Variants in MED17 observed in about 807,000 individuals in gnomAD.
MED17 encodes the protein mediator complex subunit 17.
MED17 carries 49 observed loss-of-function variants against 80.8 expected under a neutral mutation model. The observed-to-expected ratio is 0.61, with a 90% CI of 0.48 to 0.77. The LOEUF is 0.77. Among genes scored for constraint, MED17 ranks in the 30% least tolerant of loss-of-function variants. MED17 has a pLI of 0.00. For missense variants in MED17, 718 were observed against 787.0 expected (o/e 0.91, Z 1.05); for synonymous variants, 281 against 280.4 (o/e 1.00, Z -0.02).
chr11:93,784,557 G>GCTCT lies in MED17; in HGVS notation c.45_46insTCTC (p.Glu16SerfsTer7), dbSNP rs778546871. 1 of 1,612,620 alleles carries GCTCT rather than the reference G, an allele frequency of 6.2e-7. No homozygotes were observed. The highest frequency in any genetic ancestry group is 8.5e-7 in the Non-Finnish European group (1 of 1,179,834). Reference sequence around the variant, plus strand: ...GTGCGGATCAGCATCGAATCGGCCTGCGAGAAGCAGGTCCATGAGGTGGGC... The same window carrying GCTCT: ...GTGCGGATCAGCATCGAATCGGCCTGCTCTCGAGAAGCAGGTCCATGAGGTGGGC... On this transcript the variant is annotated frameshift_variant, in exon 1 of 12. Coordinates refer to ENST00000251871, the MANE Select transcript of MED17 (RefSeq NM_004268.5). LOFTEE classifies it high-confidence loss of function.
At position 93,790,494 on chromosome 11, in the gene MED17, A is replaced by ATT; in HGVS notation, c.418-77_418-76dup. On this transcript the variant is annotated intron_variant, in intron 2 of 11. Coordinates refer to ENST00000251871, the MANE Select transcript of MED17 (RefSeq NM_004268.5). ...CTCCTTTTTGCTTTTTGTTCACTTC[A>ATT]TTTTATTATTGATAAAATGTGTAAT... The ATT allele has an allele frequency of 3.0e-6, 4 of 1,315,798 alleles. No individual in the cohort carries two copies. In the Admixed American group the frequency reaches 5.7e-5, roughly 19 times the overall value. 81.5% of individuals were successfully genotyped at this position (1,315,798 alleles called of 1,614,324 possible).
chr11:93,808,701 T>A (rs1944054523), intron 10 of MED17: 2 of 152,042 alleles, frequency 1.3e-5, no homozygotes, highest in African/African-American at 4.8e-5. Flanking sequence ...TAAAATTCAT[T>A]TGTTAGGTAT....
In MED17 at chr11:93,785,018, A is replaced by G. The variant is rs1591380798; in HGVS notation, c.250+255A>G. On this transcript the variant is annotated intron_variant, in intron 1 of 11. Transcript: ENST00000251871. Reference sequence around the variant, plus strand: ...CACTGTCAAACCGTGAAATGTTTAAATGAATGCTTCTCTGTAGAGGGCCTT... The same window carrying G: ...CACTGTCAAACCGTGAAATGTTTAAGTGAATGCTTCTCTGTAGAGGGCCTT... 1.2e-5 allele frequency: 7 copies of G among 595,748 alleles called. No individual in the cohort carries two copies. In the East Asian group the frequency reaches 1.7e-4, roughly 15 times the overall value. 36.9% of individuals were successfully genotyped at this position (595,748 alleles called of 1,614,324 possible).
Position 93,812,084 on chromosome 11 carries a change from A to G in MED17, c.*20A>G, listed in dbSNP as rs1467164584. On this transcript the variant is annotated 3_prime_UTR_variant, in exon 12 of 12. Transcript: ENST00000251871. ...CTATGATTTTTTCCAGATGTTTCCTAAAGAAGTTTCCAGAAACTTTGACTT... is the reference window on the plus strand; with the variant it reads ...CTATGATTTTTTCCAGATGTTTCCTGAAGAAGTTTCCAGAAACTTTGACTT... 1.2e-6 allele frequency: 2 copies of G among 1,607,554 alleles called. No individual in the cohort carries two copies. Among genetic ancestry groups the G allele is most frequent in the Non-Finnish European group, 1.7e-6 (2 of 1,174,114 alleles).
rs558578168 is a variant in MED17, at chr11:93,796,390, C to G, written c.1013-20C>G. Reference sequence around the variant, plus strand: ...ATATTTCAGGTTATTTACATATGTCCTCCTTCTTTTTATAAATAGGCTTGC... The same window carrying G: ...ATATTTCAGGTTATTTACATATGTCGTCCTTCTTTTTATAAATAGGCTTGC... On this transcript the variant is annotated intron_variant, in intron 6 of 11. Coordinates refer to ENST00000251871, the MANE Select transcript of MED17 (RefSeq NM_004268.5). 3.7e-6 allele frequency: 6 copies of G among 1,600,552 alleles called. No individual in the cohort carries two copies. In the South Asian group the frequency reaches 6.6e-5, roughly 18 times the overall value.
At chr11:93,810,117 G>T in intron 11 of MED17, 1 of 487,190 alleles carries the variant, frequency 2.1e-6, no homozygotes. Context: ...AGTCTGAAAA[G>T]TATCATCAGC....
intron 6 of MED17, 56 bp from the exon 7 acceptor site, chr11:93,796,354 T>A (rs931378440): frequency 4.8e-6 from 7 of 1,451,248 alleles, no homozygotes; most frequent in Non-Finnish European, 5.8e-6. Context: ...GAAGACAGTT[T>A]ATGCCTTTCC....
chr11:93,809,794 T>C lies in MED17; in HGVS notation c.1662T>C (p.His554=). Residue 554 remains histidine, a synonymous_variant, in exon 11 of 12, where the codon CAT becomes CAC. Coordinates refer to ENST00000251871, the MANE Select transcript of MED17 (RefSeq NM_004268.5). ...GGCAAGTACTGAGCTTCAGTAATCATGTGGGACTTGGACCTATAGAGAGCA... is the reference window on the plus strand; with the variant it reads ...GGCAAGTACTGAGCTTCAGTAATCACGTGGGACTTGGACCTATAGAGAGCA... The part of the protein sequence containing the change: ...MGWQVLSFSN[H]VGLGPIESIG... The C allele has an allele frequency of 6.2e-7, 1 of 1,614,222 alleles. No individual in the cohort carries two copies. Among genetic ancestry groups the C allele is most frequent in the Non-Finnish European group, 8.5e-7 (1 of 1,180,046 alleles).
chr11:93,795,292 T>C (rs1591385500), intron 6 of MED17: 9 of 582,584 alleles, frequency 1.5e-5, no homozygotes, highest in East Asian at 3.0e-5. Context: ...TTTGCACTTA[T>C]GTAGTCATTA....
intron 10 of MED17, chr11:93,808,230 G>A (rs1417426578): frequency 6.0e-6 from 1 of 165,626 alleles, no homozygotes; most frequent in Non-Finnish European, 1.3e-5. Context: ...GGGTGTGTTG[G>A]TATGTACCTA....
chr11:93,812,118 TG>T lies in MED17; in HGVS notation c.*55del. ...TCCAGAAACTTTGACTTGAAATGTT[TG>T]CAGATCAACTATAAGCACAAAGAAG... is the stretch of plus-strand genomic sequence containing the variant. On this transcript the variant is annotated 3_prime_UTR_variant, in exon 12 of 12. Coordinates refer to ENST00000251871, the MANE Select transcript of MED17 (RefSeq NM_004268.5). The T allele has an allele frequency of 6.9e-7, 1 of 1,455,394 alleles. No individual in the cohort carries two copies. The highest frequency in any genetic ancestry group is 9.7e-7 in the Non-Finnish European group (1 of 1,036,224). 90.2% of individuals were successfully genotyped at this position (1,455,394 alleles called of 1,614,324 possible). A position where few individuals can be genotyped will look rare whatever the true frequency, so the allele number is the denominator to read the frequency against.
intron 11 of MED17, chr11:93,810,930 AGC>A (rs1247995511): frequency 1.3e-5 from 2 of 152,276 alleles, no homozygotes; most frequent in African/African-American, 4.8e-5. Context: ...GCACTTACAC[AGC>A]CCTAGATGGT....
intron 9 of MED17, among the ~76,000 whole-genome samples, chr11:93,803,089 C>T (rs1033515879): frequency 7.9e-5 from 12 of 152,156 alleles, no homozygotes; most frequent in African/African-American, 2.7e-4. Flanking sequence ...AAGCAGTCCT[C>T]CTGCTTCACC....
chr11:93,799,743 A>T (rs1943942137), intron 8 of MED17, among the ~76,000 whole-genome samples: 1 of 152,158 alleles, frequency 6.6e-6, no homozygotes, highest in South Asian at 2.1e-4. Flanking sequence ...ACCCCGCTAC[A>T]CTCCAGTTGG....
At chr11:93,787,711 A>G (rs1011448699) in intron 1 of MED17, among the ~76,000 whole-genome samples, 3 of 152,238 alleles carry the variant, frequency 2.0e-5, no homozygotes, top group African/African-American at 7.2e-5. Flanking sequence ...CTGTAAGAAG[A>G]TTATTAAAAA....
rs1449441253 is a variant in MED17 at position 93,801,979 on chromosome 11, G to A, written c.1466+7G>A. On this transcript the variant is annotated splice_region_variant and intron_variant, in intron 9 of 11. Coordinates refer to ENST00000251871, the MANE Select transcript of MED17 (RefSeq NM_004268.5). ...GCTATGAACAAATATGCAAGTAAGTGGCCAAAATAAAAGTTTTGTATTTAA... is the reference window on the plus strand; with the variant it reads ...GCTATGAACAAATATGCAAGTAAGTAGCCAAAATAAAAGTTTTGTATTTAA... 2 of 1,609,842 alleles carry A rather than the reference G, an allele frequency of 1.2e-6. No homozygotes were observed. Among genetic ancestry groups the A allele is most frequent in the Middle Eastern group, 2.1e-4 (1 of 4,702 alleles).
At chr11:93,811,734 A>G in intron 11 of MED17, 119 bp from the exon 12 acceptor site, 1 of 904,472 alleles carries the variant, frequency 1.1e-6, no homozygotes, top group Admixed American at 2.3e-5. Context: ...TTTTACAAGA[A>G]TATTTAAGTT....
intron 10 of MED17, chr11:93,808,567 C>A (rs144698511): frequency 9.8e-5 from 14 of 143,296 alleles, no homozygotes; most frequent in Non-Finnish European, 2.0e-4. Context: ...AATGCTAATG[C>A]AAGATACTAT....
chr11:93,795,261 T>C (rs1249877002), intron 6 of MED17: 9 of 661,690 alleles, frequency 1.4e-5, no homozygotes, highest in Non-Finnish European at 2.3e-5. Context: ...ACCCTTGGAT[T>C]TTTAAGCTAC....
Sources: gnomAD v4.1 joint callset for allele counts (sites outside exome capture counted in the v4.1 genomes callset) on GRCh38, gnomAD v4.1.1 for gene constraint, MANE v1.5 for transcripts, NCBI Gene and HGNC (gene_info 2026-07-23, HGNC 2026-07-21) for gene names.